FCN2: variants seen among roughly 807,000 people sequenced by gnomAD.
FCN2 encodes ficolin 2, also known as ficolin-2.
FCN2 carries 31 observed loss-of-function variants against 32.5 expected under a neutral mutation model. The ratio of observed to expected loss-of-function variants is 0.96; its 90% CI spans 0.72 to 1.29. The LOEUF (loss-of-function observed/expected upper bound fraction) is 1.29. FCN2 is among the 50% of genes most tolerant of loss of function. The pLI, the probability that FCN2 is intolerant of heterozygous loss-of-function variation, is 0.00. For synonymous variants in FCN2, 181 were observed against 164.5 expected, an observed-to-expected ratio of 1.10 and a Z score of -0.77; for missense variants, 412 against 406.5, an observed-to-expected ratio of 1.01 and a Z score of -0.12.
chr9:134,877,966 C>CG (rs551261060), upstream of FCN2, among the ~76,000 whole-genome samples: 11 of 152,270 alleles, frequency 7.2e-5, 1 homozygote, highest in South Asian at 2.3e-3. Flanking sequence ...GGCAGACCCA[C>CG]CCTCAGTCTG....
upstream of FCN2, among the ~76,000 whole-genome samples, chr9:134,877,277 G>A (rs1474868798): frequency 1.3e-5 from 2 of 152,152 alleles, no homozygotes; most frequent in Non-Finnish European, 2.9e-5. Context: ...ATTTCACACT[G>A]TAATTTGCCT....
At chr9:134,878,251 G>A (rs887534895), upstream of FCN2, among the ~76,000 whole-genome samples, 1 of 152,142 alleles carries the variant, frequency 6.6e-6, no homozygotes, top group Admixed American at 6.5e-5. Context: ...ATTAATACAG[G>A]GGGGTAGAAA....
chr9:134,869,510 C>A, the FCN2 span, among the ~76,000 whole-genome samples: 8 of 152,206 alleles, frequency 5.3e-5, no homozygotes, highest in South Asian at 1.7e-3. Flanking sequence ...GTCTCTCTCC[C>A]GGAGAGGGCT....
intron 1 of FCN2, among the ~76,000 whole-genome samples, chr9:134,881,994 C>T (rs1359514717): frequency 6.6e-6 from 1 of 152,230 alleles, no homozygotes; most frequent in African/African-American, 2.4e-5. Flanking sequence ...GGTGGACCCA[C>T]AGGAGCCCAT....
At chr9:134,884,964 T>C (rs773675095) in intron 4 of FCN2, among the ~76,000 whole-genome samples, 192 bp downstream of exon 4, 4 of 152,238 alleles carry the variant, frequency 2.6e-5, no homozygotes, top group African/African-American at 9.6e-5. Flanking sequence ...ATACACTCCA[T>C]GGCAATTTTT....
rs747487809 is a variant in FCN2 at position 134,882,627 on chromosome 9, A to G, written c.202A>G (p.Asn68Asp). Residue 68 changes from asparagine to aspartate, a missense_variant, in exon 2 of 8, where the codon AAT (asparagine) becomes GAT (aspartate). Coordinates refer to ENST00000291744, the MANE Select transcript of FCN2 (RefSeq NM_004108.3). The stretch of plus-strand genomic sequence containing the variant: ...TGGGCCCAAGGGAGAGGCAGGCACC[A>G]ATGGAAAGAGAGGTAGGTGCAGGCA... The part of the protein sequence containing the change: ...APGPKGEAGT[N>D]GKRGERGPPG... 1.9e-6 allele frequency: 3 copies of G among 1,611,626 alleles called. No individual in the cohort carries two copies. The highest frequency in any genetic ancestry group is 2.5e-6 in the Non-Finnish European group (3 of 1,177,918).
chr9:134,887,112 T>C (rs530625007), intron 7 of FCN2, 56 bp from the exon 8 acceptor site: 3 of 1,607,886 alleles, frequency 1.9e-6, no homozygotes, highest in East Asian at 2.2e-5. Flanking sequence ...TAAAGACTTA[T>C]ACTGTCTGTA....
At chr9:134,867,383 C>T in the FCN2 span, among the ~76,000 whole-genome samples, 2 of 150,674 alleles carry the variant, frequency 1.3e-5, no homozygotes, top group East Asian at 3.9e-4. Flanking sequence ...AGTAAACTAT[C>T]ACAAGAACAA....
upstream of FCN2, chr9:134,880,708 C>A: frequency 1.2e-6 from 1 of 844,928 alleles, no homozygotes; most frequent in Non-Finnish European, 2.0e-6. Flanking sequence ...CGTCACCAAG[C>A]CCGCGGAGAG....
rs1485041406 is a variant in FCN2 at position 134,885,806 on chromosome 9, C to T, written c.468C>T (p.Tyr156=). ...GGGTGGATGGCTCTGTGGACTTCTACCGGGACTGGGCCACGTACAAGCAGG... is the reference window on the plus strand; with the variant it reads ...GGGTGGATGGCTCTGTGGACTTCTATCGGGACTGGGCCACGTACAAGCAGG... ...QRRVDGSVDF[Y]RDWATYKQGF... is the part of the protein sequence containing the mutation. The change falls in exon 6 of 8, where the codon TAC becomes TAT. Residue 156 remains tyrosine, a synonymous_variant. Coordinates refer to ENST00000291744, the MANE Select transcript of FCN2 (RefSeq NM_004108.3). The T allele has an allele frequency of 1.9e-6, 3 of 1,614,010 alleles. No homozygotes were observed. The highest frequency in any genetic ancestry group is 3.3e-5 in the Admixed American group (2 of 60,020).
chr9:134,883,456 C>T, intron 3 of FCN2, 101 bp downstream of exon 3: 1 of 1,066,008 alleles, frequency 9.4e-7, no homozygotes, highest in African/African-American at 1.6e-5. Context: ...GCTGTCCTCG[C>T]CAGAGCCAAC....
Position 134,884,761 on chromosome 9 carries a change from C to T in FCN2, c.290C>T (p.Pro97Leu), listed in dbSNP as rs543597653. 1.6e-5 allele frequency: 26 copies of T among 1,614,026 alleles called. 1 individual carries two copies. The highest frequency in any genetic ancestry group is 1.4e-4 in the South Asian group (13 of 91,076). The change falls in exon 4 of 8, where the codon CCG becomes CTG. Residue 97 changes from proline to leucine, a missense_variant. By Grantham distance (98) the Pro-to-Leu change is moderately conservative. Transcript: ENST00000291744. ...ACAGGAGCACCTGGGGAGCCCCAGC[C>T]GTGCCTGACAGGTGACTGACCACCC... ...GPNGAPGEPQ[P>L]CLTGPRTCKD...
the FCN2 span, among the ~76,000 whole-genome samples, chr9:134,865,832 T>G: frequency 6.6e-6 from 1 of 152,150 alleles, no homozygotes; most frequent in African/African-American, 2.4e-5. Flanking sequence ...CAAGCATTCT[T>G]ATACACCAAC....
In FCN2 at chr9:134,887,339, A is replaced by C. The variant is rs1364809683; in HGVS notation, c.866A>C (p.Asn289Thr). 1.2e-6 allele frequency: 2 copies of C among 1,614,140 alleles called. No individual in the cohort carries two copies. The highest frequency in any genetic ancestry group is 2.2e-5 in the South Asian group (2 of 91,084). Residue 289 changes from asparagine to threonine, a missense_variant, in exon 8 of 8, where the codon AAT (asparagine) becomes ACT (threonine). Physicochemically the swap from Asn to Thr is moderately conservative, Grantham distance 65 (BLOSUM62 0). Transcript: ENST00000291744. ...AGGGGGACTCATGGCAGCTTTGCAAATGGCATCAACTGGAAGTCGGGGAAA... is the reference window on the plus strand; with the variant it reads ...AGGGGGACTCATGGCAGCTTTGCAACTGGCATCAACTGGAAGTCGGGGAAA... The part of the protein sequence containing the change: ...YLRGTHGSFA[N>T]GINWKSGKGY...
chr9:134,873,030 G>A, the FCN2 span, among the ~76,000 whole-genome samples: 5 of 152,130 alleles, frequency 3.3e-5, no homozygotes, highest in Admixed American at 6.5e-5. Context: ...GACTGATGAC[G>A]TTGAGCATCT....
chr9:134,872,187 C>T, the FCN2 span, among the ~76,000 whole-genome samples: 18 of 151,994 alleles, frequency 1.2e-4, no homozygotes, highest in East Asian at 2.7e-3. Flanking sequence ...TCAGCGGAGT[C>T]GTACCCCGTG....
chr9:134,883,850 T>C (rs1189377381), intron 3 of FCN2, among the ~76,000 whole-genome samples: 1 of 73,114 alleles, frequency 1.4e-5, no homozygotes, highest in Non-Finnish European at 2.6e-5. Context: ...GGAGGGGTTC[T>C]TAGTGGGGGG....
chr9:134,887,454 G>A lies in FCN2; in HGVS notation c.*39G>A. ...CAGGGTCAGGACGCCTCCACACATA[G>A]TTGGTTGGGGGGTAGGGTTGGGAGC... On this transcript the variant is annotated 3_prime_UTR_variant, in exon 8 of 8. Coordinates refer to ENST00000291744, the MANE Select transcript of FCN2 (RefSeq NM_004108.3). The A allele has an allele frequency of 1.3e-6, 2 of 1,599,656 alleles. No homozygotes were observed. The highest frequency in any genetic ancestry group is 1.1e-5 in the South Asian group (1 of 90,394).
chr9:134,885,470 G>A, intron 5 of FCN2, 104 bp downstream of exon 5: 1 of 1,523,724 alleles, frequency 6.6e-7, no homozygotes. Flanking sequence ...CTCCTGGTCG[G>A]GGACAGTCAG....
Sources: allele counts gnomAD v4.1 joint callset (sites outside exome capture counted in the v4.1 genomes callset), GRCh38; gene constraint gnomAD v4.1.1; transcripts MANE v1.5; gene names NCBI Gene and HGNC (gene_info 2026-07-23, HGNC 2026-07-21).